Variants in LCN12 observed in about 807,000 individuals in gnomAD.
LCN12 encodes the protein epididymal-specific lipocalin-12.
Under a neutral mutation model 23.7 loss-of-function variants are expected in LCN12, and 15 were observed. That is an observed-to-expected ratio of 0.63 (90% CI 0.42 to 0.97). The LOEUF is 0.97. LCN12 is among the 50% of genes least tolerant of loss of function. The pLI, the probability that LCN12 is intolerant of heterozygous loss-of-function variation, is 0.00. For missense variants in LCN12, 219 were observed against 249.6 expected (o/e 0.88, Z 0.83); for synonymous variants, 116 against 111.5 (o/e 1.04, Z -0.25).
intron 5 of LCN12, 137 bp downstream of exon 5, chr9:136,954,392 C>G (rs571321977): frequency 6.8e-6 from 7 of 1,023,826 alleles, no homozygotes; most frequent in African/African-American, 3.2e-5. Context: ...GGTCTCCAGG[C>G]TCCTGGGTCC....
chr9:136,956,521 A>G (rs1467792918), downstream of LCN12, among the ~76,000 whole-genome samples: 1 of 152,232 alleles, frequency 6.6e-6, no homozygotes, highest in African/African-American at 2.4e-5. Flanking sequence ...TGTGGTGCTT[A>G]CTGCAGCCAC....
intron 5 of LCN12, chr9:136,954,972 G>A (rs1851288888): frequency 6.1e-6 from 8 of 1,302,734 alleles, no homozygotes; most frequent in African/African-American, 4.5e-5. Context: ...CTCCACATGC[G>A]AACACCCACT....
intron 2 of LCN12, 96 bp downstream of exon 2, chr9:136,953,124 A>G: frequency 3.3e-6 from 5 of 1,500,456 alleles, no homozygotes; most frequent in Non-Finnish European, 4.6e-6. Flanking sequence ...GCCCTGTCCC[A>G]GCACAGGCAG....
chr9:136,955,288 C>T, intron 5 of LCN12, 83 bp from the exon 6 acceptor site: 1 of 1,555,982 alleles, frequency 6.4e-7, no homozygotes, highest in Non-Finnish European at 8.7e-7. Context: ...CCTGCCCCTC[C>T]TTTGTGCCCT....
At chr9:136,952,843 CACTG>C in intron 1 of LCN12, 45 bp from the exon 2 acceptor site, 11 of 1,588,276 alleles carry the variant, frequency 6.9e-6, no homozygotes, top group Non-Finnish European at 9.4e-6. Context: ...TGACCCTGCC[CACTG>C]CCACCCCTGC....
intron 5 of LCN12, 121 bp from the exon 6 acceptor site, chr9:136,955,250 T>C: frequency 6.7e-7 from 1 of 1,492,304 alleles, no homozygotes; most frequent in Non-Finnish European, 8.9e-7. Context: ...TGGTCCCCTT[T>C]CTCCCTCCTG....
At chr9:136,953,236 G>C (rs927174678) in intron 2 of LCN12, among the ~76,000 whole-genome samples, 1 of 151,624 alleles carries the variant, frequency 6.6e-6, no homozygotes, top group Non-Finnish European at 1.5e-5. Context: ...CTAGCACTTC[G>C]GGGGCCGGGT....
chr9:136,953,041 C>A lies in LCN12; in HGVS notation c.251+13C>A, dbSNP rs1161606507. 4 of 1,613,304 alleles carry A rather than the reference C, an allele frequency of 2.5e-6. No homozygotes were observed. Among genetic ancestry groups the A allele is most frequent in the Non-Finnish European group, 3.4e-6 (4 of 1,179,854 alleles). On this transcript the variant is annotated intron_variant, in intron 2 of 5. Coordinates refer to ENST00000371633, the MANE Select transcript of LCN12 (RefSeq NM_178536.4). ...ATGCGATGACTCGGTGAGTGGCTGT[C>A]CCTGCCGTTCCAAGCGGGTGAGGAG...
chr9:136,951,872 G>T (rs1851159939), upstream of LCN12, among the ~76,000 whole-genome samples: 1 of 152,238 alleles, frequency 6.6e-6, no homozygotes, highest in Non-Finnish European at 1.5e-5. Flanking sequence ...GGCCCTGCAG[G>T]GGGAATGCCC....
rs373408418 is a variant in LCN12 at position 136,955,409 on chromosome 9, C to T, written c.*10C>T. 95 of 1,612,730 alleles carry T rather than the reference C, an allele frequency of 5.9e-5. No individual in the cohort carries two copies. The highest frequency in any genetic ancestry group is 7.8e-5 in the Non-Finnish European group (92 of 1,179,434). On this transcript the variant is annotated 3_prime_UTR_variant, in exon 6 of 6. Coordinates refer to ENST00000371633, the MANE Select transcript of LCN12 (RefSeq NM_178536.4). ...GGCCAGCGTCTGTTGAAGGATGAAG[C>T]AGCTCCTGTCCGGCCCAGCCCTGCC... is the stretch of plus-strand genomic sequence containing the variant.
At chr9:136,950,903 C>T (rs577138345), upstream of LCN12, among the ~76,000 whole-genome samples, 5 of 150,494 alleles carry the variant, frequency 3.3e-5, no homozygotes, top group Admixed American at 2.6e-4. Flanking sequence ...GGCAGGCTGC[C>T]GAGGCCCAGG....
chr9:136,955,618 G>A, downstream of LCN12: 1 of 530,278 alleles, frequency 1.9e-6, no homozygotes, highest in Non-Finnish European at 3.3e-6. Context: ...CCAGCCGGCT[G>A]TCTCTGGCCA....
At chr9:136,953,053 A>G (rs1343763380) in intron 2 of LCN12, 25 bp downstream of exon 2, 1 of 1,612,696 alleles carries the variant, frequency 6.2e-7, no homozygotes, top group Non-Finnish European at 8.5e-7. Context: ...CTGCCGTTCC[A>G]AGCGGGTGAG....
chr9:136,952,764 G>T, intron 1 of LCN12, 128 bp from the exon 2 acceptor site: 1 of 1,113,216 alleles, frequency 9.0e-7, no homozygotes. Context: ...TGTCCCTGGC[G>T]CCGGCCCAGC....
chr9:136,953,085 C>T, intron 2 of LCN12, 57 bp downstream of exon 2: 2 of 1,602,532 alleles, frequency 1.2e-6, no homozygotes, highest in Non-Finnish European at 1.7e-6. Flanking sequence ...GCCTGGGTCC[C>T]AGCCGCCAGT....
At chr9:136,953,597 G>A (rs545266315) in intron 2 of LCN12, 103 bp from the exon 3 acceptor site, 7 of 796,128 alleles carry the variant, frequency 8.8e-6, no homozygotes, top group East Asian at 2.7e-5. Flanking sequence ...CACTCCCGCC[G>A]TGGGTCCCTC....
chr9:136,953,952 A>G lies in LCN12; in HGVS notation c.436A>G (p.Ile146Val). The G allele has an allele frequency of 6.2e-7, 1 of 1,609,896 alleles. No homozygotes were observed. Among genetic ancestry groups the G allele is most frequent in the Non-Finnish European group, 8.5e-7 (1 of 1,179,766 alleles). The part of the protein sequence containing the change: ...RHTSRLAVLR[I>V]SLLGRSWLLP... ...CACGAGCAGGCTGGCCGTCCTCAGG[A>G]TCAGCCTGCTGGGTGAGCCTCCCAC... Residue 146 changes from isoleucine to valine, a missense_variant, in exon 4 of 6, where the codon ATC (isoleucine) becomes GTC (valine). Transcript: ENST00000371633.
intron 2 of LCN12, 120 bp downstream of exon 2, chr9:136,953,148 C>A: frequency 7.2e-7 from 1 of 1,384,366 alleles, no homozygotes; most frequent in Non-Finnish European, 9.9e-7. Context: ...CATGACTCTG[C>A]CTGCCAATGA....
rs757580810 is a variant in LCN12, at chr9:136,952,973, G to T, written c.196G>T (p.Ala66Ser). The T allele has an allele frequency of 1.1e-5, 18 of 1,612,618 alleles. No homozygotes were observed. The highest frequency in any genetic ancestry group is 1.5e-5 in the Non-Finnish European group (18 of 1,179,176). ...CAGGGCGCTGCTGAACGCTTTCACCGCAACTTTTGAGCTAAGTGATGATGG... is the reference window on the plus strand; with the variant it reads ...CAGGGCGCTGCTGAACGCTTTCACCTCAACTTTTGAGCTAAGTGATGATGG... ...EHRALLNAFT[A>S]TFELSDDGRF... Residue 66 changes from alanine (A) to serine (S), a missense_variant, in exon 2 of 6, where the codon GCA (alanine) becomes TCA (serine). Transcript: ENST00000371633.
Sources: gnomAD v4.1 joint callset for allele counts (sites outside exome capture counted in the v4.1 genomes callset) on GRCh38, gnomAD v4.1.1 for gene constraint, MANE v1.5 for transcripts, NCBI Gene and HGNC (gene_info 2026-07-23, HGNC 2026-07-21) for gene names.